NCOR2: variants seen among roughly 807,000 people sequenced by gnomAD.
NCOR2 encodes CTG repeat protein 26.
Under a neutral mutation model 262.9 loss-of-function variants are expected in NCOR2, and 81 were observed. That is an observed-to-expected ratio of 0.31 (90% CI 0.26 to 0.37). The LOEUF (loss-of-function observed/expected upper bound fraction) is 0.37, where lower values mean the gene tolerates loss of function less well. Ranked by LOEUF, NCOR2 falls within the 10% of genes least tolerant of loss-of-function variation. The probability of loss-of-function intolerance (pLI) is 1.00; values close to 1 mark genes in which losing one functional copy is unlikely to be tolerated. For synonymous variants in NCOR2, 1,659 were observed against 1,559.3 expected (o/e 1.06, Z -1.51); for missense variants, 3,385 against 3,621.4 (o/e 0.93, Z 1.68).
chr12:124,334,464 C>A (rs1273892683), exon 41 of NCOR2: 1 of 1,488,456 alleles, frequency 6.7e-7, no homozygotes, highest in South Asian at 1.3e-5. Context: ...CGGGCCGGGG[C>A]ACCATGGTCC....
At position 124,340,583 on chromosome 12, in the gene NCOR2, G is replaced by A. The variant is rs746508505; in HGVS notation, c.5338+19C>T. On this transcript the variant is annotated intron_variant, in intron 35 of 46. Transcript: ENST00000405201. ...CATGGATGCCGGGGTCCCCACCCCA[G>A]ACTGGGCAGTGGCGCTACCTGGGGA... 2 of 1,510,348 alleles carry A rather than the reference G, an allele frequency of 1.3e-6. No homozygotes were observed. The highest frequency in any genetic ancestry group is 4.3e-5 in the Admixed American group (2 of 46,750). The allele number at this position is 1,510,348 out of a possible 1,614,324, so 93.6% of individuals were successfully genotyped here.
intron 14 of NCOR2, among the ~76,000 whole-genome samples, chr12:124,401,604 A>T (rs2041989525): frequency 6.6e-6 from 1 of 152,242 alleles, no homozygotes; most frequent in Non-Finnish European, 1.5e-5. Context: ...TGCTGGTTTT[A>T]TGCAGGCCTA....
intron 4 of NCOR2, among the ~76,000 whole-genome samples, chr12:124,467,292 C>T: frequency 2.4e-5 from 1 of 42,176 alleles, no homozygotes; most frequent in Non-Finnish European, 4.6e-5. Flanking sequence ...TCACCCTCAT[C>T]CTCATCACCC....
At chr12:124,448,521 A>C (rs1360778517) in intron 7 of NCOR2, among the ~76,000 whole-genome samples, 1 of 152,120 alleles carries the variant, frequency 6.6e-6, no homozygotes, top group Non-Finnish European at 1.5e-5. Context: ...CCTGCTGGCC[A>C]CTGGCTGAGG....
exon 21 of NCOR2, chr12:124,363,791 G>T: frequency 7.3e-7 from 1 of 1,361,064 alleles, no homozygotes. Context: ...GGGCCTTGGG[G>T]ACAGCAGCCT....
intron 1 of NCOR2, among the ~76,000 whole-genome samples, chr12:124,554,254 C>T (rs946914290): frequency 6.6e-6 from 1 of 152,188 alleles, no homozygotes; most frequent in African/African-American, 2.4e-5. Context: ...GTCCCAGAGA[C>T]GCTGTGCAAA....
chr12:124,515,760 G>T (rs1468173542), intron 1 of NCOR2, among the ~76,000 whole-genome samples: 1 of 151,996 alleles, frequency 6.6e-6, no homozygotes, highest in Non-Finnish European at 1.5e-5. Context: ...ATACATGTGG[G>T]TGTGTGCGTG....
chr12:124,553,970 C>T (rs571467787), intron 1 of NCOR2, among the ~76,000 whole-genome samples: 4 of 152,294 alleles, frequency 2.6e-5, no homozygotes, highest in African/African-American at 9.6e-5. Flanking sequence ...CCCAAAGCTG[C>T]TCAGGATGTC....
At chr12:124,526,032 T>G (rs540425525) in intron 1 of NCOR2, among the ~76,000 whole-genome samples, 1 of 152,304 alleles carries the variant, frequency 6.6e-6, no homozygotes, top group South Asian at 2.1e-4. Context: ...CAGGAAATGT[T>G]AGCTTTTATG....
chr12:124,333,552 G>A (rs1307327925), intron 41 of NCOR2, among the ~76,000 whole-genome samples: 1 of 152,008 alleles, frequency 6.6e-6, no homozygotes, highest in Non-Finnish European at 1.5e-5. Flanking sequence ...ATGGGCCACA[G>A]TTTATTGACC....
chr12:124,325,795 C>T (rs1593052777), intron 46 of NCOR2, among the ~76,000 whole-genome samples: 1 of 152,204 alleles, frequency 6.6e-6, no homozygotes, highest in Non-Finnish European at 1.5e-5. Flanking sequence ...TGTCTTTTGC[C>T]TGGACTATAG....
intron 3 of NCOR2, among the ~76,000 whole-genome samples, chr12:124,480,169 T>C (rs902198528): frequency 1.3e-5 from 2 of 152,134 alleles, no homozygotes; most frequent in Non-Finnish European, 2.9e-5. Context: ...GCCACTTCCC[T>C]CCCCGGGGCT....
intron 4 of NCOR2, among the ~76,000 whole-genome samples, chr12:124,466,677 G>A (rs760226381): frequency 4.6e-5 from 7 of 152,010 alleles, no homozygotes; most frequent in Admixed American, 6.5e-5. Context: ...GCTGCGAGCC[G>A]GCATTATTAC....
chr12:124,421,031 G>A (rs570868787), intron 12 of NCOR2, among the ~76,000 whole-genome samples: 2 of 152,264 alleles, frequency 1.3e-5, no homozygotes, highest in East Asian at 1.9e-4. Context: ...TTCAGGGGAT[G>A]TGGGTGCCCG....
chr12:124,366,359 C>T lies in NCOR2; in HGVS notation c.2808-2560G>A, dbSNP rs574918147. Among the ~76,000 whole-genome samples, 30 of 152,234 alleles carry T rather than the reference C, an allele frequency of 2.0e-4. 2 individuals carry two copies. The South Asian group carries it at 6.0e-3, about 31-fold the overall frequency. ...CGCAGAAGGCCTCTAGTGTAGATTC[C>T]GTTTCTGTGAAAAGTCCAGAACGGG... On this transcript the variant is annotated intron_variant, in intron 20 of 46. Transcript: ENST00000405201.
chr12:124,356,875 C>T (rs4765144), intron 22 of NCOR2, 93 bp from the exon 25 acceptor site: 400,568 of 1,369,220 alleles, frequency 0.29, 59,864 homozygotes, highest in Admixed American at 0.43. Context: ...GGCCTTCCTG[C>T]ACCCACAGTA....
intron 28 of NCOR2, among the ~76,000 whole-genome samples, chr12:124,349,326 C>A (rs1334046841): frequency 6.6e-6 from 1 of 152,194 alleles, no homozygotes; most frequent in Admixed American, 6.5e-5. Flanking sequence ...CCGCCCCACC[C>A]CTCAGAGGGA....
chr12:124,330,711 G>T, intron 44 of NCOR2, 134 bp downstream of exon 46: 3 of 960,574 alleles, frequency 3.1e-6, no homozygotes, highest in South Asian at 3.2e-5. Flanking sequence ...CTACTGTGCG[G>T]TTAGTTCATC....
chr12:124,394,972 G>A (rs1003709050), intron 16 of NCOR2, among the ~76,000 whole-genome samples: 3 of 152,120 alleles, frequency 2.0e-5, no homozygotes, highest in African/African-American at 7.2e-5. Flanking sequence ...CCTAGGAATG[G>A]GGCCCCTCTG....
Sources: allele counts gnomAD v4.1 joint callset (sites outside exome capture counted in the v4.1 genomes callset), GRCh38; gene constraint gnomAD v4.1.1; transcripts MANE v1.5; gene names NCBI Gene and HGNC (gene_info 2026-07-23, HGNC 2026-07-21).